The following KIF17 variants were observed in gnomAD, a reference collection of about 807,000 sequenced individuals.
KIF17 encodes kinesin family member 17, also known as kinesin-like protein KIF17.
KIF17 carries 80 observed loss-of-function variants against 96.8 expected under a neutral mutation model. The observed-to-expected ratio is 0.83, with a 90% CI of 0.69 to 1.00. KIF17 has a LOEUF of 1.00. KIF17 is among the 50% of genes least tolerant of loss of function. The pLI, the probability that KIF17 is intolerant of heterozygous loss-of-function variation, is 0.00. For synonymous variants in KIF17, 567 were observed against 587.5 expected, an observed-to-expected ratio of 0.97 and a Z score of 0.51; for missense variants, 1,280 against 1,372.9, an observed-to-expected ratio of 0.93 and a Z score of 1.07.
Position 20,704,436 on chromosome 1 carries a change from C to A in KIF17, c.1123+11G>T. On this transcript the variant is annotated intron_variant, in intron 5 of 14. Transcript: ENST00000400463. The surrounding 1 kb of genome is among the most constrained non-coding windows in gnomAD (Gnocchi z 6.8). ...CCTGGCCCTCCCGCCACTACCCCAACGTGGTCCCACCTGACAGGCTGCTGG... is the reference window on the plus strand; with the variant it reads ...CCTGGCCCTCCCGCCACTACCCCAAAGTGGTCCCACCTGACAGGCTGCTGG... The A allele has an allele frequency of 6.2e-7, 1 of 1,611,616 alleles. No individual in the cohort carries two copies. Among genetic ancestry groups the A allele is most frequent in the Non-Finnish European group, 8.5e-7 (1 of 1,178,486 alleles).
At chr1:20,684,752 G>A (rs1024320692) in intron 10 of KIF17, 57 bp downstream of exon 10, 10 of 1,508,898 alleles carry the variant, frequency 6.6e-6, no homozygotes, top group Admixed American at 2.0e-5. Flanking sequence ...CATCCTGGAA[G>A]GCAGCCCCTT....
Position 20,690,352 on chromosome 1 carries a change from G to GGCGGCCA in KIF17, c.1234-18_1234-17insTGGCCGC. 1 of 451,174 alleles carries GGCGGCCA rather than the reference G, an allele frequency of 2.2e-6. No individual in the cohort carries two copies. Among genetic ancestry groups the GGCGGCCA allele is most frequent in the Non-Finnish European group, 4.3e-6 (1 of 235,152 alleles). 27.9% of individuals were successfully genotyped at this position (451,174 alleles called of 1,614,324 possible). A position where few individuals can be genotyped will look rare whatever the true frequency, so the allele number is the denominator to read the frequency against. ...TTCATACTCCTGGGGGGGTGGGAGG[G>GGCGGCCA]ACCAGAGGGCAGGCAGCATTTTATC... On this transcript the variant is annotated splice_polypyrimidine_tract_variant and intron_variant, in intron 6 of 14. Coordinates refer to ENST00000400463, the MANE Select transcript of KIF17 (RefSeq NM_001122819.3).
At position 20,687,547 on chromosome 1, in the gene KIF17, C is replaced by A. The variant is rs1309458094; in HGVS notation, c.1779G>T (p.Gln593His). The A allele has an allele frequency of 6.2e-7, 1 of 1,613,806 alleles. No individual in the cohort carries two copies. ...QEAAGHLLGEQNYLPQEEPQE... is the reference protein window; with the variant it reads ...QEAAGHLLGEHNYLPQEEPQE... ...GCGGCTCCTCTTGCGGGAGGTAGTT[C>A]TGTTCCCCCAGCAGGTGCCCAGCGG... Residue 593 changes from glutamine to histidine, a missense_variant, in exon 8 of 15, where the codon CAG becomes CAT. Transcript: ENST00000400463. This position sits in a 1 kb window ranked among gnomAD's most constrained non-coding sequence, Gnocchi z 4.4.
downstream of KIF17, among the ~76,000 whole-genome samples, chr1:20,662,684 A>G (rs192018816): frequency 2.2e-3 from 334 of 152,304 alleles, 1 homozygote; most frequent in African/African-American, 7.5e-3. Context: ...CTTTGCTCTC[A>G]GGTCTCCACC....
At chr1:20,674,030 G>A (rs2053694561) in intron 11 of KIF17, among the ~76,000 whole-genome samples, 1 of 151,942 alleles carries the variant, frequency 6.6e-6, no homozygotes, top group Non-Finnish European at 1.5e-5. Context: ...CTGGGCTCAA[G>A]CAATCTTCCC....
downstream of KIF17, among the ~76,000 whole-genome samples, chr1:20,663,061 C>CT (rs1473322139): frequency 6.6e-6 from 1 of 152,030 alleles, no homozygotes; most frequent in African/African-American, 2.4e-5. Context: ...AACCGCATCT[C>CT]TAATACAAAA....
intron 3 of KIF17, among the ~76,000 whole-genome samples, chr1:20,712,845 TAGATAA>T (rs1316839077): frequency 6.3e-5 from 1 of 15,816 alleles, no homozygotes; most frequent in Admixed American, 5.1e-4. Flanking sequence ...ATTATAGATA[TAGATAA>T]TATTATCTAT....
chr1:20,663,627 C>G (rs936990462), downstream of KIF17, among the ~76,000 whole-genome samples: 13 of 152,162 alleles, frequency 8.5e-5, no homozygotes, highest in African/African-American at 3.1e-4. Context: ...ATAGAGTGTG[C>G]AAGGGGAAGG....
Position 20,698,722 on chromosome 1 carries a change from AC to A in KIF17, c.1124-235del, listed in dbSNP as rs374417648. On this transcript the variant is annotated intron_variant, in intron 5 of 14. Transcript: ENST00000400463. ...CATTGAACAAAGACAAAAACTCCAC[AC>A]CCACGCTGAGTTTTCCACTGGGAAA... is the stretch of plus-strand genomic sequence containing the variant. Among the ~76,000 whole-genome samples, 8 of 152,184 alleles carry A rather than the reference AC, an allele frequency of 5.3e-5. 1 individual carries two copies. The highest frequency in any genetic ancestry group is 1.9e-4 in the African/African-American group (8 of 41,524).
At chr1:20,663,765 A>G (rs1337625582), downstream of KIF17, among the ~76,000 whole-genome samples, 1 of 152,260 alleles carries the variant, frequency 6.6e-6, no homozygotes, top group East Asian at 1.9e-4. Context: ...TTCTGGCCTC[A>G]GTGAGACATG....
Position 20,712,626 on chromosome 1 carries a change from A to ATATTATCTATATATATAATATAGATATAT in KIF17, c.480+827_480+828insATATATCTATATTATATATATAGATAATA, listed in dbSNP as rs1244201600. On this transcript the variant is annotated intron_variant, in intron 3 of 14. Transcript: ENST00000400463. ...TATCTATATATATATAATATAGATA[A>ATATTATCTATATATATAATATAGATATAT]TATCTATATATATAATATAGATAAT... is the stretch of plus-strand genomic sequence containing the variant. Among the ~76,000 whole-genome samples, 2 of 17,442 alleles carry ATATTATCTATATATATAATATAGATATAT rather than the reference A, an allele frequency of 1.1e-4. 1 individual carries two copies. Among genetic ancestry groups the ATATTATCTATATATATAATATAGATATAT allele is most frequent in the Non-Finnish European group, 3.3e-4 (2 of 6,086 alleles). 11.4% of individuals were successfully genotyped at this position (17,442 alleles called of 152,430 possible). A position where few individuals can be genotyped will look rare whatever the true frequency, so the allele number is the denominator to read the frequency against.
At position 20,699,653 on chromosome 1, in the gene KIF17, AGCTTGCTAGACAGGAGGC is replaced by A. The variant is rs1280169281; in HGVS notation, c.1124-1183_1124-1166del. On this transcript the variant is annotated intron_variant, in intron 5 of 14. Coordinates refer to ENST00000400463, the MANE Select transcript of KIF17 (RefSeq NM_001122819.3). The surrounding 1 kb of genome is among the most constrained non-coding windows in gnomAD (Gnocchi z 4.3). Reference sequence around the variant, plus strand: ...GCGAGGAGAGGGCGGGCACAGGAGGAGCTTGCTAGACAGGAGGCGCTTGCTAGACAGGGGGAGCTTGCT... The same window carrying A: ...GCGAGGAGAGGGCGGGCACAGGAGGAGCTTGCTAGACAGGGGGAGCTTGCT... 4.0e-5 allele frequency among the ~76,000 whole-genome samples: 6 copies of A among 150,042 alleles called. No individual in the cohort carries two copies. Among genetic ancestry groups the A allele is most frequent in the African/African-American group, 1.3e-4 (5 of 39,484 alleles).
chr1:20,684,571 T>A lies in KIF17; in HGVS notation c.2231+238A>T, dbSNP rs13374582. 8.5e-3 allele frequency among the ~76,000 whole-genome samples: 1,292 copies of A among 152,228 alleles called. 13 individuals carry two copies. Among genetic ancestry groups the A allele is most frequent in the African/African-American group, 0.029 (1,198 of 41,556 alleles). On this transcript the variant is annotated intron_variant, in intron 10 of 14. Transcript: ENST00000400463. ...GAGAAAAGCCTGCGACACTCTGCCCTGGGACTCCTGAAACCTGAAGGCCAG... is the reference window on the plus strand; with the variant it reads ...GAGAAAAGCCTGCGACACTCTGCCCAGGGACTCCTGAAACCTGAAGGCCAG...
intron 3 of KIF17, among the ~76,000 whole-genome samples, chr1:20,712,863 T>TCTATAA (rs1306438961): frequency 0.012 from 451 of 37,950 alleles, 47 homozygotes; most frequent in African/African-American, 0.025. Flanking sequence ...ATTATCTATA[T>TCTATAA]TATAGATATT....
Position 20,690,323 on chromosome 1 carries a change from G to A in KIF17, c.1246C>T (p.Arg416Cys), listed in dbSNP as rs750658619. The A allele has an allele frequency of 3.6e-5, 29 of 814,540 alleles. No individual in the cohort carries two copies. The highest frequency in any genetic ancestry group is 6.5e-5 in the African/African-American group (3 of 45,852). 50.5% of individuals were successfully genotyped at this position (814,540 alleles called of 1,614,324 possible). ...TAGTCGGCTTTCAGCCGGGCCAGGC[G>A]CTCTTCATACTCCTGGGGGGGTGGG... is the stretch of plus-strand genomic sequence containing the variant. ...KQLIREEYEERLARLKADYKA... is the reference protein window; with the variant it reads ...KQLIREEYEECLARLKADYKA... The change falls in exon 7 of 15, where the codon CGC becomes TGC. Residue 416 changes from arginine to cysteine, a missense_variant. Coordinates refer to ENST00000400463, the MANE Select transcript of KIF17 (RefSeq NM_001122819.3).
intron 1 of KIF17, 71 bp downstream of exon 1, chr1:20,717,405 C>A: frequency 6.4e-7 from 1 of 1,562,384 alleles, no homozygotes; most frequent in East Asian, 2.3e-5. Context: ...GGGGGCAGCG[C>A]AGCCCCCTGG....
chr1:20,666,157 C>G, intron 14 of KIF17, 57 bp downstream of exon 14: 1 of 1,288,018 alleles, frequency 7.8e-7, no homozygotes, highest in African/African-American at 1.5e-5. Flanking sequence ...CAAAACTATC[C>G]CCTTCACGCC....
rs34777403 is a variant in KIF17, at chr1:20,674,575, C to CTTT, written c.2464-2382_2464-2380dup. Among the ~76,000 whole-genome samples the CTTT allele has an allele frequency of 5.4e-4, 77 of 142,302 alleles. 2 individuals carry two copies. The highest frequency in any genetic ancestry group is 1.1e-3 in the African/African-American group (42 of 38,698). The allele number at this position is 142,302 out of a possible 152,430, so 93.4% of individuals were successfully genotyped here. A position where few individuals can be genotyped will look rare whatever the true frequency, so the allele number is the denominator to read the frequency against. ...CCACTGCACCATCCAATTTATCCCT[C>CTTT]TTTTTTTTTTTTTTTTAAGTAACTT... On this transcript the variant is annotated intron_variant, in intron 11 of 14. Coordinates refer to ENST00000400463, the MANE Select transcript of KIF17 (RefSeq NM_001122819.3).
chr1:20,671,963 G>A lies in KIF17; in HGVS notation c.2697C>T (p.Val899=), dbSNP rs771336143. 2.6e-5 allele frequency: 42 copies of A among 1,613,778 alleles called. No individual in the cohort carries two copies. The highest frequency in any genetic ancestry group is 2.4e-4 in the South Asian group (22 of 91,070). ...DNGFWKIPHP[V]ITKTSLPVVS... is the part of the protein sequence containing the mutation. ...CTACTGGGAGGCTGGTTTTTGTGATGACGGGATGTGGGATCTTCCAGAAGC... is the reference window on the plus strand; with the variant it reads ...CTACTGGGAGGCTGGTTTTTGTGATAACGGGATGTGGGATCTTCCAGAAGC... Residue 899 remains valine (V), a synonymous_variant, in exon 12 of 15, where the codon GTC becomes GTT. Transcript: ENST00000400463.
Sources: allele counts gnomAD v4.1 joint callset (sites outside exome capture counted in the v4.1 genomes callset), GRCh38; gene constraint gnomAD v4.1.1; non-coding constraint Gnocchi (gnomAD v3.1); transcripts MANE v1.5; gene names NCBI Gene and HGNC (gene_info 2026-07-23, HGNC 2026-07-21).